Variants in CEP72 observed in about 807,000 individuals in gnomAD.
CEP72 encodes the protein centrosomal protein 72, also known as centrosomal protein of 72 kDa.
Under a neutral mutation model 65.7 loss-of-function variants are expected in CEP72, and 78 were observed. The observed-to-expected ratio is 1.19, with a 90% CI of 0.99 to 1.43. CEP72 has a LOEUF of 1.43. Among genes scored for constraint, CEP72 ranks in the 40% most tolerant of loss-of-function variants. The pLI, the probability that CEP72 is intolerant of heterozygous loss-of-function variation, is 0.00. For synonymous variants in CEP72, 358 were observed against 351.7 expected (o/e 1.02, Z -0.20); for missense variants, 914 against 832.9 (o/e 1.10, Z -1.20).
intron 1 of CEP72, among the ~76,000 whole-genome samples, chr5:615,955 T>C (rs1000167492): frequency 6.6e-6 from 1 of 152,266 alleles, no homozygotes; most frequent in Non-Finnish European, 1.5e-5. Context: ...CATTTAGGTC[T>C]CTATCCTCTC....
chr5:647,052 C>T (rs949409019), intron 10 of CEP72, among the ~76,000 whole-genome samples: 3 of 152,226 alleles, frequency 2.0e-5, no homozygotes, highest in Non-Finnish European at 4.4e-5. Context: ...TGAACATGTC[C>T]ATCGACATAG....
At chr5:640,193 A>G (rs1292691642) in intron 8 of CEP72, among the ~76,000 whole-genome samples, 1 of 151,984 alleles carries the variant, frequency 6.6e-6, no homozygotes, top group Non-Finnish European at 1.5e-5. Flanking sequence ...CTTTTCTTGG[A>G]GGTCACCTCT....
exon 5 of CEP72, chr5:667,154 G>A (rs1158464555): frequency 6.6e-6 from 1 of 152,240 alleles, no homozygotes; most frequent in Non-Finnish European, 1.5e-5. Context: ...TGAGAACAGA[G>A]TCAGAAGACT....
At chr5:666,685 G>A (rs1689668) in intron 4 of CEP72, among the ~76,000 whole-genome samples, 28,239 of 152,240 alleles carry the variant, frequency 0.19, 2,961 homozygotes, top group East Asian at 0.36. Flanking sequence ...TGCAGAGCCC[G>A]GTGGGCCGGA....
intron 4 of CEP72, among the ~76,000 whole-genome samples, chr5:629,350 G>C (rs960956715): frequency 2.0e-5 from 3 of 152,274 alleles, no homozygotes; most frequent in East Asian, 3.8e-4. Context: ...TAATCACATA[G>C]CAGAACAGAA....
intron 8 of CEP72, among the ~76,000 whole-genome samples, chr5:639,493 C>T (rs1737857407): frequency 6.6e-6 from 1 of 152,222 alleles, no homozygotes; most frequent in Non-Finnish European, 1.5e-5. Context: ...TCATTTTGCT[C>T]AAAATGCTGT....
At chr5:659,212 G>A (rs945271862), downstream of CEP72, among the ~76,000 whole-genome samples, 9 of 152,268 alleles carry the variant, frequency 5.9e-5, no homozygotes, top group African/African-American at 1.4e-4. Flanking sequence ...CGCGAGGCGC[G>A]CGTCCCTCTC....
chr5:635,590 T>A lies in CEP72; in HGVS notation c.904+6T>A. On this transcript the variant is annotated splice_donor_region_variant and intron_variant, in intron 6 of 11. Transcript: ENST00000264935. ...GTACTTCACCCCACACCCAGGTACTTACGCGTGTCTTAGTCTGTTTTCTGT... is the reference window on the plus strand; with the variant it reads ...GTACTTCACCCCACACCCAGGTACTAACGCGTGTCTTAGTCTGTTTTCTGT... 1 of 1,603,264 alleles carries A rather than the reference T, an allele frequency of 6.2e-7. No individual in the cohort carries two copies. Among genetic ancestry groups the A allele is most frequent in the Non-Finnish European group, 8.5e-7 (1 of 1,170,904 alleles).
chr5:665,938 C>CCCCCCCCCCCCACA, intron 3 of CEP72: 3 of 1,366,598 alleles, frequency 2.2e-6, no homozygotes, highest in Non-Finnish European at 1.9e-6. Flanking sequence ...CCACCCCCTC[C>CCCCCCCCCCCCACA]AGGCCCCGCC....
rs1166761940 is a variant in CEP72, at chr5:653,262, G to T, written c.*109G>T. 5 of 1,126,690 alleles carry T rather than the reference G, an allele frequency of 4.4e-6. No homozygotes were observed. In the East Asian group the frequency reaches 8.2e-5, roughly 19 times the overall value. The allele number at this position is 1,126,690 out of a possible 1,614,324, so 69.8% of individuals were successfully genotyped here. ...CTGGCTGGCAAGAGTTCTCTCTTCT[G>T]TTGGTAATTATTTAGGATTTTTGGA... On this transcript the variant is annotated 3_prime_UTR_variant, in exon 12 of 12. Coordinates refer to ENST00000264935, the MANE Select transcript of CEP72 (RefSeq NM_018140.4).
At chr5:638,876 C>T (rs57026597) in intron 7 of CEP72, among the ~76,000 whole-genome samples, 6,858 of 152,200 alleles carry the variant, frequency 0.045, 499 homozygotes, top group African/African-American at 0.15. Flanking sequence ...GTCCTGTCAT[C>T]GAGACCTCAC....
intron 9 of CEP72, 52 bp from the exon 10 acceptor site, chr5:644,247 G>A (rs967850145): frequency 4.4e-6 from 7 of 1,591,376 alleles, no homozygotes; most frequent in African/African-American, 1.3e-5. Flanking sequence ...CTTTCTATAC[G>A]CATTTTACTG....
downstream of CEP72, among the ~76,000 whole-genome samples, chr5:657,756 C>T (rs542582346): frequency 2.0e-5 from 3 of 152,322 alleles, no homozygotes; most frequent in East Asian, 1.9e-4. Context: ...GGAGCTGGTG[C>T]GTCACTGTGA....
chr5:647,130 G>A (rs1384943576), intron 10 of CEP72, among the ~76,000 whole-genome samples: 1 of 152,232 alleles, frequency 6.6e-6, no homozygotes, highest in Non-Finnish European at 1.5e-5. Context: ...GGTGAGAAGA[G>A]CCTGCCATCC....
chr5:629,462 CCCAG>C (rs1737065085), intron 4 of CEP72, among the ~76,000 whole-genome samples: 1 of 122,662 alleles, frequency 8.2e-6, no homozygotes, highest in African/African-American at 3.2e-5. Context: ...CGGGATTTGA[CCCAG>C]TCCTGGTGGG....
the CEP72 span, among the ~76,000 whole-genome samples, chr5:675,119 G>GGACAGTGTGGCCAGGGA: frequency 4.3e-5 from 5 of 115,804 alleles, no homozygotes; most frequent in African/African-American, 9.6e-5. Flanking sequence ...AGCACGGGGG[G>GGACAGTGTGGCCAGGGA]TACAGTGTGG....
At chr5:665,140 C>T (rs550883414) in intron 2 of CEP72, 17 of 1,612,834 alleles carry the variant, frequency 1.1e-5, no homozygotes, top group South Asian at 8.8e-5. Flanking sequence ...TAGGTGCCTG[C>T]GTGCTTGTAG....
At chr5:617,972 T>C (rs1160692704) in intron 1 of CEP72, among the ~76,000 whole-genome samples, 1 of 152,232 alleles carries the variant, frequency 6.6e-6, no homozygotes, top group Non-Finnish European at 1.5e-5. Context: ...AACTTTCATC[T>C]TGTAATTAAT....
At chr5:634,268 A>T (rs1218257886) in intron 5 of CEP72, among the ~76,000 whole-genome samples, 2 of 152,228 alleles carry the variant, frequency 1.3e-5, no homozygotes, top group Non-Finnish European at 2.9e-5. Context: ...CATCTGCGGC[A>T]GCTGCAGGGG....
Sources: gnomAD v4.1 joint callset for allele counts (sites outside exome capture counted in the v4.1 genomes callset) on GRCh38, gnomAD v4.1.1 for gene constraint, MANE v1.5 for transcripts, NCBI Gene and HGNC (gene_info 2026-07-23, HGNC 2026-07-21) for gene names.